The following HECW1 variants were observed in gnomAD, a reference collection of about 807,000 sequenced individuals.
HECW1 encodes HECT, C2 and WW domain containing E3 ubiquitin protein ligase 1, also known as E3 ubiquitin-protein ligase HECW1.
A neutral mutation model predicts 182.3 loss-of-function variants in HECW1; 61 were observed. The ratio of observed to expected loss-of-function variants is 0.33; its 90% CI spans 0.27 to 0.41. HECW1 has a LOEUF of 0.41. HECW1 is among the 10% of genes least tolerant of loss of function. The pLI is 1.00. For synonymous variants in HECW1, 859 were observed against 832.6 expected, an observed-to-expected ratio of 1.03 and a Z score of -0.55; for missense variants, 1,739 against 2,108.9, an observed-to-expected ratio of 0.82 and a Z score of 3.44.
intron 2 of HECW1, among the ~76,000 whole-genome samples, chr7:43,237,138 GAAGTAGGT>G (rs1798435828): frequency 7.9e-6 from 1 of 126,114 alleles, no homozygotes; most frequent in Non-Finnish European, 1.8e-5. Flanking sequence ...AGGAAGGAAG[GAAGTAGGT>G]AGGTAGGTAG....
chr7:43,173,774 GGGACCTCAGCTCT>G (rs917537964), intron 2 of HECW1, among the ~76,000 whole-genome samples: 8 of 152,126 alleles, frequency 5.3e-5, no homozygotes, highest in African/African-American at 1.9e-4. Context: ...CCAGGATTTG[GGGACCTCAGCTCT>G]GGAGTGTGAA....
At chr7:43,418,791 A>G (rs971586018) in intron 8 of HECW1, among the ~76,000 whole-genome samples, 13 of 152,212 alleles carry the variant, frequency 8.5e-5, no homozygotes, top group African/African-American at 2.7e-4. Flanking sequence ...TGATAATTTC[A>G]ACATCTGGAG....
chr7:43,526,347 G>A lies in HECW1; in HGVS notation c.4020-14816G>A, dbSNP rs576180968. Among the ~76,000 whole-genome samples the A allele has an allele frequency of 6.0e-4, 91 of 152,338 alleles. 1 individual carries two copies. The highest frequency in any genetic ancestry group is 5.0e-4 in the Non-Finnish European group (34 of 68,030). On this transcript the variant is annotated intron_variant, in intron 24 of 29. Transcript: ENST00000395891. ...TCCCTAGATTGTACACTCCATGGGA[G>A]CATGAGGGCCTTGTCTATTATGTTC...
chr7:43,544,953 A>G (rs1585253200), intron 26 of HECW1, among the ~76,000 whole-genome samples: 1 of 152,240 alleles, frequency 6.6e-6, no homozygotes, highest in South Asian at 2.1e-4. Context: ...AAAACACACT[A>G]CTGTTTACAG....
At chr7:43,247,678 AGGGAGGGAGGGAGGAAGGAAGGG>A in intron 3 of HECW1, among the ~76,000 whole-genome samples, 1 of 104,184 alleles carries the variant, frequency 9.6e-6, no homozygotes. Context: ...GGGGAGAGGG[AGGGAGGGAGGGAGGAAGGAAGGG>A]GAGAGGGAGG....
At chr7:43,127,817 A>G (rs915227416) in intron 2 of HECW1, among the ~76,000 whole-genome samples, 4 of 152,234 alleles carry the variant, frequency 2.6e-5, no homozygotes, top group Admixed American at 6.5e-5. Flanking sequence ...GAGAAGCTGC[A>G]GCAAATTGTC....
chr7:43,300,769 G>A (rs1482047684), intron 3 of HECW1, among the ~76,000 whole-genome samples: 1 of 152,092 alleles, frequency 6.6e-6, no homozygotes, highest in Non-Finnish European at 1.5e-5. Context: ...CCAATGACTG[G>A]CACACTTATC....
At chr7:43,530,927 C>T (rs1342954703) in intron 24 of HECW1, among the ~76,000 whole-genome samples, 4 of 152,214 alleles carry the variant, frequency 2.6e-5, no homozygotes, top group African/African-American at 9.6e-5. Flanking sequence ...AAGCATGTCA[C>T]TCCCCTGTTT....
intron 2 of HECW1, among the ~76,000 whole-genome samples, chr7:43,172,553 T>C (rs1012069710): frequency 2.0e-5 from 3 of 152,186 alleles, no homozygotes; most frequent in Non-Finnish European, 4.4e-5. Flanking sequence ...ATGCATTAAA[T>C]GTAATGTGTT....
Position 43,195,162 on chromosome 7 carries a change from A to G in HECW1, c.-31-48713A>G, listed in dbSNP as rs1462482996. ...CCTAAGAATGACTTAATAGCAATAG[A>G]TAACTGTCACATATTGCTAATTCTA... is the stretch of plus-strand genomic sequence containing the variant. On this transcript the variant is annotated intron_variant, in intron 2 of 29. Transcript: ENST00000395891. Among the ~76,000 whole-genome samples, 4 of 152,360 alleles carry G rather than the reference A, an allele frequency of 2.6e-5. No individual in the cohort carries two copies. In the East Asian group the frequency reaches 7.7e-4, roughly 29 times the overall value.
At chr7:43,405,614 G>A (rs2075582510) in intron 7 of HECW1, among the ~76,000 whole-genome samples, 1 of 152,070 alleles carries the variant, frequency 6.6e-6, no homozygotes, top group African/African-American at 2.4e-5. Context: ...GGGTGGTGCT[G>A]GTCATGTGTG....
intron 24 of HECW1, among the ~76,000 whole-genome samples, chr7:43,512,313 G>A (rs748611669): frequency 3.9e-5 from 6 of 152,156 alleles, no homozygotes; most frequent in South Asian, 2.1e-4. Context: ...GGACACCCAC[G>A]CCCTGCCCAC....
intron 5 of HECW1, among the ~76,000 whole-genome samples, chr7:43,339,954 G>A (rs1812752082): frequency 6.6e-6 from 1 of 151,750 alleles, no homozygotes; most frequent in Admixed American, 6.6e-5. Flanking sequence ...TTCAGTATTT[G>A]TGAATGTCTG....
intron 24 of HECW1, among the ~76,000 whole-genome samples, chr7:43,523,640 G>A (rs370563396): frequency 1.3e-5 from 2 of 151,922 alleles, no homozygotes; most frequent in African/African-American, 4.8e-5. Context: ...ACGCCATCTC[G>A]AAAAAAAGAA....
At chr7:43,283,651 G>A (rs894895037) in intron 3 of HECW1, among the ~76,000 whole-genome samples, 2 of 152,020 alleles carry the variant, frequency 1.3e-5, no homozygotes, top group South Asian at 2.1e-4. Context: ...AAACCAAAAC[G>A]TTTACCAAGC....
intron 29 of HECW1, among the ~76,000 whole-genome samples, chr7:43,555,154 C>A (rs945030010): frequency 6.6e-6 from 1 of 152,192 alleles, no homozygotes; most frequent in Non-Finnish European, 1.5e-5. Flanking sequence ...TCTCGAGCAT[C>A]GTTATCTGTA....
chr7:43,514,895 C>T (rs2080069887), intron 24 of HECW1, among the ~76,000 whole-genome samples: 1 of 152,094 alleles, frequency 6.6e-6, no homozygotes, highest in South Asian at 2.1e-4. Flanking sequence ...TAAACAAAGC[C>T]ACAGAGATAG....
intron 24 of HECW1, among the ~76,000 whole-genome samples, chr7:43,528,945 A>G (rs1186711773): frequency 1.3e-5 from 2 of 152,210 alleles, no homozygotes; most frequent in East Asian, 3.8e-4. Context: ...CAATATTTAA[A>G]CAATTTTTAT....
intron 6 of HECW1, among the ~76,000 whole-genome samples, chr7:43,383,444 G>A (rs148899082): frequency 2.3e-3 from 347 of 152,314 alleles, no homozygotes; most frequent in African/African-American, 8.0e-3. Context: ...GCCAGCATCT[G>A]TTGTTTCCTG....
Sources: gnomAD v4.1 joint callset for allele counts (sites outside exome capture counted in the v4.1 genomes callset) on GRCh38, gnomAD v4.1.1 for gene constraint, MANE v1.5 for transcripts, NCBI Gene and HGNC (gene_info 2026-07-23, HGNC 2026-07-21) for gene names.